TENM3: variants seen among roughly 807,000 people sequenced by gnomAD.
TENM3 encodes the protein teneurin transmembrane protein 3.
Under a neutral mutation model 255.1 loss-of-function variants are expected in TENM3, and 63 were observed. That is an observed-to-expected ratio of 0.25 (90% CI 0.20 to 0.30). The LOEUF is 0.30. TENM3 is among the 10% of genes least tolerant of loss of function. The pLI is 1.00. For synonymous variants in TENM3, 1,306 were observed against 1,322.3 expected, an observed-to-expected ratio of 0.99 and a Z score of 0.27; for missense variants, 2,929 against 3,461.1, an observed-to-expected ratio of 0.85 and a Z score of 3.86.
At chr4:182,698,451 A>G (rs776186116) in intron 12 of TENM3, among the ~76,000 whole-genome samples, 2 of 152,130 alleles carry the variant, frequency 1.3e-5, no homozygotes, top group African/African-American at 2.4e-5. Flanking sequence ...TAGAATTACA[A>G]CTGCAACTCA....
chr4:182,289,158 A>G (rs181700758), intron 1 of TENM3, among the ~76,000 whole-genome samples: 74 of 152,374 alleles, frequency 4.9e-4, no homozygotes, highest in African/African-American at 1.7e-3. Context: ...TGAGCCTGGC[A>G]GGCGGAGGCT....
At chr4:181,867,039 C>T in the TENM3 span, among the ~76,000 whole-genome samples, 1 of 152,140 alleles carries the variant, frequency 6.6e-6, no homozygotes, top group Non-Finnish European at 1.5e-5. Context: ...CCCAATAAAC[C>T]TCTGCTTCTC....
At chr4:181,614,149 A>T in the TENM3 span, among the ~76,000 whole-genome samples, 1 of 152,136 alleles carries the variant, frequency 6.6e-6, no homozygotes, top group African/African-American at 2.4e-5. Context: ...ATTGATAAAT[A>T]TAACCCACAT....
intron 3 of TENM3, among the ~76,000 whole-genome samples, chr4:182,391,810 T>C (rs904491606): frequency 1.3e-5 from 2 of 152,174 alleles, no homozygotes; most frequent in African/African-American, 4.8e-5. Context: ...GCCATAGTGA[T>C]TTGCTCTATG....
Position 182,754,266 on chromosome 4 carries a change from A to G in TENM3, c.4018-119A>G. On this transcript the variant is annotated intron_variant, in intron 21 of 27. Coordinates refer to ENST00000511685, the MANE Select transcript of TENM3 (RefSeq NM_001080477.4). This position sits in a 1 kb window ranked among gnomAD's most constrained non-coding sequence, Gnocchi z 5.1. ...TTTTACTGAGGCTATTGAAAAAACT[A>G]TTATCAGACAGTTTATCTCAGATTA... 3 of 1,064,404 alleles carry G rather than the reference A, an allele frequency of 2.8e-6. No individual in the cohort carries two copies. Among genetic ancestry groups the G allele is most frequent in the Non-Finnish European group, 4.0e-6 (3 of 758,890 alleles). The allele number at this position is 1,064,404 out of a possible 1,614,324, so 65.9% of individuals were successfully genotyped here. A position where few individuals can be genotyped will look rare whatever the true frequency, so the allele number is the denominator to read the frequency against.
At chr4:182,738,884 G>GAGTCAGTC (rs11280769) in intron 18 of TENM3, among the ~76,000 whole-genome samples, 97,278 of 151,252 alleles carry the variant, frequency 0.64, 31,643 homozygotes, top group East Asian at 0.8. Flanking sequence ...ATTCTACAGT[G>GAGTCAGTC]AGTCAGTGAG....
intron 3 of TENM3, among the ~76,000 whole-genome samples, chr4:182,363,737 T>G (rs1766201711): frequency 6.6e-6 from 1 of 152,080 alleles, no homozygotes; most frequent in Admixed American, 6.5e-5. Flanking sequence ...ATTGCAAACT[T>G]GGAAAGTTAT....
At chr4:182,348,592 C>CA (rs1561350034) in intron 3 of TENM3, among the ~76,000 whole-genome samples, 3 of 152,192 alleles carry the variant, frequency 2.0e-5, no homozygotes, top group Non-Finnish European at 2.9e-5. Flanking sequence ...ACATCCATAG[C>CA]TATCAAATAT....
At chr4:182,111,375 T>G in the TENM3 span, among the ~76,000 whole-genome samples, 2 of 152,242 alleles carry the variant, frequency 1.3e-5, no homozygotes, top group East Asian at 3.9e-4. Context: ...GCCTTTTAAT[T>G]CATGGATCAT....
At chr4:181,587,360 G>A in the TENM3 span, among the ~76,000 whole-genome samples, 3 of 152,220 alleles carry the variant, frequency 2.0e-5, no homozygotes, top group Admixed American at 1.3e-4. Context: ...TGTACCTGCT[G>A]AAGCCACTCC....
intron 3 of TENM3, among the ~76,000 whole-genome samples, chr4:182,557,803 C>G (rs796753258): frequency 2.0e-5 from 3 of 152,290 alleles, no homozygotes; most frequent in African/African-American, 7.2e-5. Context: ...GGTTCTGTCC[C>G]TCAGGTACCC....
intron 22 of TENM3, among the ~76,000 whole-genome samples, chr4:182,757,877 C>A: frequency 6.6e-6 from 1 of 152,046 alleles, no homozygotes; most frequent in East Asian, 1.9e-4. Context: ...TAAAGTATAT[C>A]TATTAAATCT....
At chr4:182,298,854 T>C (rs1761658881) in intron 1 of TENM3, among the ~76,000 whole-genome samples, 1 of 151,148 alleles carries the variant, frequency 6.6e-6, no homozygotes, top group African/African-American at 2.4e-5. Flanking sequence ...CCACCTGTAA[T>C]CCCGGCTACT....
chr4:181,892,739 G>C, the TENM3 span, among the ~76,000 whole-genome samples: 2 of 152,176 alleles, frequency 1.3e-5, no homozygotes, highest in African/African-American at 4.8e-5. Context: ...CATGAAGTTT[G>C]TCTGAATTAA....
At chr4:181,680,685 T>A in the TENM3 span, among the ~76,000 whole-genome samples, 2 of 152,156 alleles carry the variant, frequency 1.3e-5, no homozygotes, top group Non-Finnish European at 2.9e-5. Flanking sequence ...TGGTGCTTTT[T>A]TTCTGTAAAA....
the TENM3 span, among the ~76,000 whole-genome samples, chr4:181,891,422 A>G: frequency 6.6e-6 from 1 of 152,152 alleles, no homozygotes; most frequent in Non-Finnish European, 1.5e-5. Context: ...AGCACCTGCC[A>G]TCTCTGCAGC....
chr4:181,670,019 T>C, the TENM3 span, among the ~76,000 whole-genome samples: 1 of 152,194 alleles, frequency 6.6e-6, no homozygotes, highest in African/African-American at 2.4e-5. Context: ...ATTTTAGCTA[T>C]GAAATTTTAT....
At chr4:182,174,505 C>CACAA (rs1752326421) in intron 1 of TENM3, among the ~76,000 whole-genome samples, 2 of 116,406 alleles carry the variant, frequency 1.7e-5, no homozygotes, top group African/African-American at 7.0e-5. Context: ...TACTAATTCA[C>CACAA]ACACACACAC....
chr4:182,797,076 A>C (rs1013694833), intron 27 of TENM3, among the ~76,000 whole-genome samples: 1 of 152,236 alleles, frequency 6.6e-6, no homozygotes, highest in African/African-American at 2.4e-5. Flanking sequence ...AATAAACAAA[A>C]GGGCAGGGAA....
Sources: allele counts gnomAD v4.1 joint callset (sites outside exome capture counted in the v4.1 genomes callset), GRCh38; gene constraint gnomAD v4.1.1; non-coding constraint Gnocchi (gnomAD v3.1); transcripts MANE v1.5; gene names NCBI Gene and HGNC (gene_info 2026-07-23, HGNC 2026-07-21).